Variants in SCAPER observed in about 807,000 individuals in gnomAD.
SCAPER encodes S phase cyclin A-associated protein in the endoplasmic reticulum.
SCAPER carries 98 observed loss-of-function variants against 182.2 expected under a neutral mutation model. The ratio of observed to expected loss-of-function variants is 0.54; its 90% CI spans 0.46 to 0.64. The LOEUF (loss-of-function observed/expected upper bound fraction) is 0.64. Among genes scored for constraint, SCAPER ranks in the 30% least tolerant of loss-of-function variants. The pLI, the probability that SCAPER is intolerant of heterozygous loss-of-function variation, is 0.00. For missense variants in SCAPER, 1,432 were observed against 1,690.0 expected, an observed-to-expected ratio of 0.85 and a Z score of 2.68; for synonymous variants, 605 against 564.6, an observed-to-expected ratio of 1.07 and a Z score of -1.01.
At chr15:76,802,122 C>T (rs953755934) in intron 6 of SCAPER, among the ~76,000 whole-genome samples, 2 of 150,544 alleles carry the variant, frequency 1.3e-5, no homozygotes, top group African/African-American at 2.4e-5. Flanking sequence ...CCTTTGGATA[C>T]AACAAACAAA....
intron 21 of SCAPER, among the ~76,000 whole-genome samples, chr15:76,661,341 A>G (rs1346467871): frequency 6.6e-6 from 1 of 152,214 alleles, no homozygotes; most frequent in Non-Finnish European, 1.5e-5. Context: ...GATCTAATTA[A>G]ACTAAAGAGC....
At chr15:76,793,000 T>C (rs1249442315) in intron 8 of SCAPER, among the ~76,000 whole-genome samples, 1 of 152,220 alleles carries the variant, frequency 6.6e-6, no homozygotes, top group Non-Finnish European at 1.5e-5. Flanking sequence ...GTTACCACCA[T>C]CTTTCTCCTT....
chr15:76,903,717 G>A (rs930386967), intron 1 of SCAPER, among the ~76,000 whole-genome samples: 2 of 152,168 alleles, frequency 1.3e-5, no homozygotes, highest in African/African-American at 4.8e-5. Context: ...GACACATAGA[G>A]TATATTTTTA....
intron 20 of SCAPER, among the ~76,000 whole-genome samples, chr15:76,701,095 T>TG (rs1555540695): frequency 7.0e-6 from 1 of 143,644 alleles, no homozygotes; most frequent in Non-Finnish European, 1.5e-5. Flanking sequence ...ATGCCATACC[T>TG]AAAAAAAAAA....
intron 23 of SCAPER, among the ~76,000 whole-genome samples, chr15:76,508,742 A>G (rs1192950394): frequency 6.6e-6 from 1 of 152,156 alleles, no homozygotes; most frequent in African/African-American, 2.4e-5. Context: ...CTCAGATCTT[A>G]AATATACTGT....
In SCAPER at chr15:76,538,083, T is replaced by C. The variant is rs1597270891; in HGVS notation, c.2839-33109A>G. Among the ~76,000 whole-genome samples the C allele has an allele frequency of 8.0e-5, 12 of 150,454 alleles. No homozygotes were observed. In the South Asian group the frequency reaches 2.6e-3, roughly 32 times the overall value. On this transcript the variant is annotated intron_variant, in intron 23 of 31. Coordinates refer to ENST00000563290, the MANE Select transcript of SCAPER (RefSeq NM_020843.4). ...AGGAAACAACAGGTGCTGGAGAGGA[T>C]GTGGAGAAATAGGAACACTTTTACA... is the stretch of plus-strand genomic sequence containing the variant.
At chr15:76,724,571 C>T (rs1382015593) in intron 17 of SCAPER, among the ~76,000 whole-genome samples, 8 of 152,244 alleles carry the variant, frequency 5.3e-5, no homozygotes, top group African/African-American at 1.2e-4. Flanking sequence ...ACCAATGAGA[C>T]GTAGATTTGG....
intron 7 of SCAPER, among the ~76,000 whole-genome samples, 183 bp from the exon 8 acceptor site, chr15:76,795,623 GT>G (rs2065270334): frequency 6.6e-6 from 1 of 152,052 alleles, no homozygotes; most frequent in African/African-American, 2.4e-5. Flanking sequence ...ACTTCATTAA[GT>G]TTATATAGTA....
intron 19 of SCAPER, 111 bp downstream of exon 19, chr15:76,702,739 A>G: frequency 7.9e-7 from 1 of 1,267,822 alleles, no homozygotes; most frequent in East Asian, 2.6e-5. Context: ...GTGAGCTGCC[A>G]CATCTCGCCT....
chr15:76,424,123 A>C (rs1264720115), intron 26 of SCAPER, among the ~76,000 whole-genome samples: 1 of 152,194 alleles, frequency 6.6e-6, no homozygotes, highest in Non-Finnish European at 1.5e-5. Context: ...AGTTCTGTAG[A>C]TGTCTGTTAG....
intron 22 of SCAPER, among the ~76,000 whole-genome samples, chr15:76,575,666 C>T (rs928324348): frequency 3.3e-5 from 5 of 152,200 alleles, no homozygotes; most frequent in Non-Finnish European, 2.9e-5. Flanking sequence ...TGAAATGCTT[C>T]CTCCACTCCC....
intron 21 of SCAPER, among the ~76,000 whole-genome samples, chr15:76,640,428 G>C (rs1239538006): frequency 6.6e-6 from 1 of 152,170 alleles, no homozygotes; most frequent in Non-Finnish European, 1.5e-5. Flanking sequence ...TTTAAGTTTA[G>C]ACATAAGCAA....
chr15:76,771,847 T>A lies in SCAPER; in HGVS notation c.1143A>T (p.Ser381=). ...SAVHIDTECV[S]VMLQAGTPPL... ...GAGGTGTACCAGCTTGCAGCATAAC[T>A]GAAACACACTCTGTATCAATGTGGA... The change falls in exon 10 of 32, where the codon TCA becomes TCT. Residue 381 remains serine (S), a synonymous_variant. Transcript: ENST00000563290. The A allele has an allele frequency of 6.2e-7, 1 of 1,613,174 alleles. No individual in the cohort carries two copies. Among genetic ancestry groups the A allele is most frequent in the Non-Finnish European group, 8.5e-7 (1 of 1,179,360 alleles).
chr15:76,765,742 T>A (rs928312134), intron 11 of SCAPER, 104 bp from the exon 12 acceptor site: 1 of 955,928 alleles, frequency 1.0e-6, no homozygotes, highest in African/African-American at 1.6e-5. Context: ...TAATATATTC[T>A]ATTTAACCAA....
At chr15:76,352,591 C>T (rs1027793214) in intron 30 of SCAPER, among the ~76,000 whole-genome samples, 1 of 151,564 alleles carries the variant, frequency 6.6e-6, no homozygotes, top group African/African-American at 2.4e-5. Flanking sequence ...AAGCTACTCT[C>T]CTGCCTCAGC....
chr15:76,759,533 C>G (rs2062649817), intron 14 of SCAPER, among the ~76,000 whole-genome samples: 1 of 152,090 alleles, frequency 6.6e-6, no homozygotes, highest in African/African-American at 2.4e-5. Flanking sequence ...CCTAAAGAAC[C>G]CACCTCTTAA....
rs2041797690 is a variant in SCAPER, at chr15:76,366,089, AC to A, written c.3855+10072del. ...GAGAACTGATTACTTACACACTTAC[AC>A]ACACACACACACACACACACACACA... On this transcript the variant is annotated intron_variant, in intron 29 of 31. Coordinates refer to ENST00000563290, the MANE Select transcript of SCAPER (RefSeq NM_020843.4). 1.3e-3 allele frequency among the ~76,000 whole-genome samples: 12 copies of A among 9,212 alleles called. 1 individual carries two copies. The highest frequency in any genetic ancestry group is 1.5e-3 in the Non-Finnish European group (1 of 654). The allele number at this position is 9,212 out of a possible 152,430, so 6.0% of individuals were successfully genotyped here.
At chr15:76,383,080 G>A (rs577765192) in intron 27 of SCAPER, among the ~76,000 whole-genome samples, 1 of 84,034 alleles carries the variant, frequency 1.2e-5, no homozygotes, top group African/African-American at 2.8e-5. Flanking sequence ...GTTAGTGTGT[G>A]TATAGGTGTG....
chr15:76,587,816 A>G (rs1011676209), intron 22 of SCAPER, among the ~76,000 whole-genome samples: 5 of 152,054 alleles, frequency 3.3e-5, no homozygotes, highest in African/African-American at 1.2e-4. Flanking sequence ...GTTTAAATAC[A>G]TGGTTTCCTT....
Sources: allele counts gnomAD v4.1 joint callset (sites outside exome capture counted in the v4.1 genomes callset), GRCh38; gene constraint gnomAD v4.1.1; transcripts MANE v1.5; gene names NCBI Gene and HGNC (gene_info 2026-07-23, HGNC 2026-07-21).